ATG13: variants seen among roughly 807,000 people sequenced by gnomAD.
The protein encoded by ATG13 is autophagy related 13, also known as autophagy-related protein 13.
Under a neutral mutation model 65.5 loss-of-function variants are expected in ATG13, and 23 were observed. The ratio of observed to expected loss-of-function variants is 0.35; its 90% CI spans 0.25 to 0.50. ATG13 has a LOEUF of 0.50. ATG13 is among the 20% of genes least tolerant of loss of function. ATG13 has a pLI of 0.98. For missense variants in ATG13, 566 were observed against 677.0 expected (o/e 0.84, Z 1.82); for synonymous variants, 252 against 245.2 (o/e 1.03, Z -0.26).
rs924208774 is a variant in ATG13, at chr11:46,672,469, A to T, written c.*137A>T. On this transcript the variant is annotated 3_prime_UTR_variant, in exon 19 of 19. Transcript: ENST00000683050. ...AGGCTGGCTTCTCCCATGGGGACCC[A>T]GAAGTCCCTACTCTTGGACCTCCTG... 2.6e-6 allele frequency: 4 copies of T among 1,544,072 alleles called. No individual in the cohort carries two copies. The African/African-American group carries it at 5.4e-5, about 21-fold the overall frequency.
At chr11:46,664,721 T>C in intron 12 of ATG13, 128 bp from the exon 13 acceptor site, 2 of 781,190 alleles carry the variant, frequency 2.6e-6, no homozygotes, top group Non-Finnish European at 4.3e-6. Context: ...TCAGGCCCCC[T>C]GCACTGTGGG....
chr11:46,649,210 G>T, intron 6 of ATG13, 27 bp downstream of exon 6: 1 of 1,605,380 alleles, frequency 6.2e-7, no homozygotes, highest in East Asian at 2.2e-5. Context: ...AGGGTCCTTG[G>T]TTGTGGTTGC....
At chr11:46,667,942 C>A in intron 15 of ATG13, 55 bp downstream of exon 15, 13 of 1,407,792 alleles carry the variant, frequency 9.2e-6, no homozygotes, top group Non-Finnish European at 1.3e-5. Flanking sequence ...AGAGTAAGGC[C>A]CCACAGGCAG....
At chr11:46,646,079 C>T in intron 5 of ATG13, 90 bp downstream of exon 5, 1 of 1,500,476 alleles carries the variant, frequency 6.7e-7, no homozygotes, top group Admixed American at 2.0e-5. Flanking sequence ...TATTCCTGCC[C>T]CTTTCCTCTC....
At chr11:46,661,148 C>T (rs2061108215) in intron 11 of ATG13, among the ~76,000 whole-genome samples, 1 of 152,212 alleles carries the variant, frequency 6.6e-6, no homozygotes, top group Admixed American at 6.5e-5. Context: ...ACCTCAGTCT[C>T]CCAAGTACTG....
intron 2 of ATG13, 80 bp downstream of exon 2, chr11:46,630,180 A>G (rs2051198991): frequency 6.6e-6 from 1 of 152,230 alleles, no homozygotes; most frequent in African/African-American, 2.4e-5. Flanking sequence ...AACATGCAAG[A>G]ATAGAATGGG....
At chr11:46,672,206 C>T in intron 18 of ATG13, 49 bp from the exon 19 acceptor site, 31 of 1,613,504 alleles carry the variant, frequency 1.9e-5, no homozygotes, top group Non-Finnish European at 2.4e-5. Flanking sequence ...TGGCTGCCTC[C>T]TCAAGGCCCT....
intron 1 of ATG13, among the ~76,000 whole-genome samples, chr11:46,627,240 A>T (rs956588219): frequency 3.3e-5 from 5 of 152,078 alleles, no homozygotes; most frequent in African/African-American, 9.7e-5. Context: ...TTAGCTGGGC[A>T]TGATGGCAGG....
chr11:46,634,904 T>C (rs1036016827), intron 2 of ATG13, among the ~76,000 whole-genome samples: 14 of 151,874 alleles, frequency 9.2e-5, no homozygotes. Context: ...GGTTTCACCA[T>C]ATTGGCCAGG....
At chr11:46,638,879 C>T (rs972952043) in intron 2 of ATG13, among the ~76,000 whole-genome samples, 1 of 152,142 alleles carries the variant, frequency 6.6e-6, no homozygotes, top group Non-Finnish European at 1.5e-5. Flanking sequence ...GTGGTATTGG[C>T]TCACTGCAAC....
intron 5 of ATG13, among the ~76,000 whole-genome samples, chr11:46,647,424 C>T (rs187289455): frequency 3.3e-5 from 5 of 151,168 alleles, no homozygotes; most frequent in East Asian, 2.0e-4. Flanking sequence ...ATTACAGGTG[C>T]GTGCCACCAT....
intron 10 of ATG13, 22 bp downstream of exon 10, chr11:46,657,644 T>C: frequency 1.3e-6 from 2 of 1,551,162 alleles, no homozygotes; most frequent in Non-Finnish European, 1.8e-6. Flanking sequence ...GAAAAGGTGC[T>C]CTCCCAAACT....
intron 12 of ATG13, 40 bp downstream of exon 12, chr11:46,664,135 C>A: frequency 1.5e-6 from 2 of 1,362,758 alleles, no homozygotes; most frequent in Non-Finnish European, 1.0e-6. Context: ...AATCAGATGG[C>A]ATCCTTTTAT....
intron 1 of ATG13, among the ~76,000 whole-genome samples, chr11:46,618,789 G>A (rs2046264857): frequency 6.6e-6 from 1 of 151,972 alleles, no homozygotes; most frequent in Non-Finnish European, 1.5e-5. Context: ...CAGCTCAGGA[G>A]AAGTCTTTTA....
rs199562035 is a variant in ATG13, at chr11:46,659,421, A to G, written c.725A>G (p.Tyr242Cys). 1.5e-4 allele frequency: 245 copies of G among 1,613,912 alleles called. 3 individuals carry two copies. The South Asian group carries it at 2.4e-3, about 16-fold the overall frequency. ...RTAGEDTGVIYPSVEDSQEVC... is the reference protein window; with the variant it reads ...RTAGEDTGVICPSVEDSQEVC... Reference sequence around the variant, plus strand: ...GCTGGTGAGGACACTGGAGTAATATACCCGTCTGTAGAAGACTCTCAAGAA... The same window carrying G: ...GCTGGTGAGGACACTGGAGTAATATGCCCGTCTGTAGAAGACTCTCAAGAA... Residue 242 changes from tyrosine (Y) to cysteine (C), a missense_variant, in exon 11 of 19, where the codon TAC becomes TGC. Coordinates refer to ENST00000683050, the MANE Select transcript of ATG13 (RefSeq NM_001346311.2).
chr11:46,651,965 T>C (rs926740633), intron 7 of ATG13, among the ~76,000 whole-genome samples: 1 of 152,164 alleles, frequency 6.6e-6, no homozygotes, highest in Non-Finnish European at 1.5e-5. Context: ...TAATCATTAC[T>C]GCTCACAGGG....
At chr11:46,638,584 A>G (rs984327753) in intron 2 of ATG13, 7 of 152,024 alleles carry the variant, frequency 4.6e-5, no homozygotes, top group Non-Finnish European at 8.8e-5. Flanking sequence ...CTCACCATCA[A>G]CCTACACCCT....
At chr11:46,652,992 CT>C (rs1485647342) in intron 7 of ATG13, among the ~76,000 whole-genome samples, 1 of 151,922 alleles carries the variant, frequency 6.6e-6, no homozygotes, top group African/African-American at 2.4e-5. Flanking sequence ...TCTATGGCTA[CT>C]TTTGCAATAC....
chr11:46,672,525 C>T lies in ATG13; in HGVS notation c.*193C>T. ...TCCGTGGCGGCAGTCAAGCCCAGTG[C>T]CCAGTTGGAGAAGACTCACGTGCTG... On this transcript the variant is annotated 3_prime_UTR_variant, in exon 19 of 19. Coordinates refer to ENST00000683050, the MANE Select transcript of ATG13 (RefSeq NM_001346311.2). The T allele has an allele frequency of 1.4e-6, 2 of 1,463,140 alleles. No individual in the cohort carries two copies. The highest frequency in any genetic ancestry group is 1.8e-6 in the Non-Finnish European group (2 of 1,108,314). The allele number at this position is 1,463,140 out of a possible 1,614,324, so 90.6% of individuals were successfully genotyped here.
Sources: gnomAD v4.1 joint callset for allele counts (sites outside exome capture counted in the v4.1 genomes callset) on GRCh38, gnomAD v4.1.1 for gene constraint, MANE v1.5 for transcripts, NCBI Gene and HGNC (gene_info 2026-07-23, HGNC 2026-07-21) for gene names.